The following MYLK4 variants were observed in gnomAD, a reference collection of about 807,000 sequenced individuals.
The protein encoded by MYLK4 is caMLCK like.
MYLK4 carries 46 observed loss-of-function variants against 48.1 expected under a neutral mutation model. That is an observed-to-expected ratio of 0.96 (90% confidence interval 0.75 to 1.22). The LOEUF (loss-of-function observed/expected upper bound fraction) is 1.22, where lower values mean the gene tolerates loss of function less well. Ranked by LOEUF, MYLK4 falls within the 50% of genes most tolerant of loss-of-function variation. The pLI is 0.00. For synonymous variants in MYLK4, 170 were observed against 180.8 expected (o/e 0.94, Z 0.48); for missense variants, 451 against 486.1 (o/e 0.93, Z 0.68).
intron 10 of MYLK4, among the ~76,000 whole-genome samples, chr6:2,676,091 CAAAA>C (rs34207127): frequency 1.6e-5 from 2 of 128,258 alleles, no homozygotes; most frequent in Non-Finnish European, 1.6e-5. Flanking sequence ...GATTCTGTCT[CAAAA>C]AAAAAAAAAA....
intron 3 of MYLK4, among the ~76,000 whole-genome samples, chr6:2,689,426 T>C (rs1369849698): frequency 6.6e-6 from 1 of 152,240 alleles, no homozygotes; most frequent in Non-Finnish European, 1.5e-5. Context: ...ATATTATATA[T>C]TACTTTCCAA....
intron 3 of MYLK4, among the ~76,000 whole-genome samples, chr6:2,692,508 T>A (rs1670494678): frequency 6.6e-6 from 1 of 151,998 alleles, no homozygotes; most frequent in Non-Finnish European, 1.5e-5. Context: ...TATAATGGCA[T>A]CTTTATCCAG....
At chr6:2,766,242 G>A in the MYLK4 span, 5 of 1,477,400 alleles carry the variant, frequency 3.4e-6, no homozygotes, top group Non-Finnish European at 9.0e-7. Flanking sequence ...GGCGGGGGCC[G>A]CCCGCACCCC....
At chr6:2,741,007 T>C (rs12206599) in intron 2 of MYLK4, among the ~76,000 whole-genome samples, 1 of 152,072 alleles carries the variant, frequency 6.6e-6, no homozygotes, top group Non-Finnish European at 1.5e-5. Flanking sequence ...TTAAAACTTA[T>C]GTGTGTGTTA....
chr6:2,752,516 C>T (rs1764320535), upstream of MYLK4, among the ~76,000 whole-genome samples: 1 of 151,966 alleles, frequency 6.6e-6, no homozygotes, highest in Admixed American at 6.6e-5. Context: ...ATGGTAGACA[C>T]CTTTGCATAT....
At chr6:2,735,010 C>T (rs1366111004) in intron 2 of MYLK4, among the ~76,000 whole-genome samples, 2 of 152,298 alleles carry the variant, frequency 1.3e-5, no homozygotes, top group East Asian at 1.9e-4. Context: ...TTGCATCACA[C>T]ATAAAACAGC....
At chr6:2,711,166 T>C (rs147783104) in intron 2 of MYLK4, among the ~76,000 whole-genome samples, 2 of 152,266 alleles carry the variant, frequency 1.3e-5, no homozygotes, top group East Asian at 3.9e-4. Flanking sequence ...TTCATATCAG[T>C]CCATTAATTA....
rs1354355573 is a variant in MYLK4, at chr6:2,683,392, TGTG to T, written c.546-233_546-231del. On this transcript the variant is annotated intron_variant, in intron 6 of 12. Transcript: ENST00000274643. ...TCCTCAAGCCAACTCCCCACCTTTT[TGTG>T]TGTGTGTGTGTGTGTGTGTGTGTGT... 9.2e-4 allele frequency among the ~76,000 whole-genome samples: 53 copies of T among 57,500 alleles called. 2 individuals are homozygous for T. Among genetic ancestry groups the T allele is most frequent in the East Asian group, 1.7e-3 (5 of 2,936 alleles). 37.7% of individuals were successfully genotyped at this position (57,500 alleles called of 152,430 possible).
intron 2 of MYLK4, among the ~76,000 whole-genome samples, chr6:2,735,531 T>C (rs1161291636): frequency 6.6e-6 from 1 of 152,216 alleles, no homozygotes; most frequent in Admixed American, 6.5e-5. Context: ...ATGCCTAAAA[T>C]GTATTGGTAA....
the MYLK4 span, chr6:2,768,905 T>C: frequency 6.3e-7 from 1 of 1,588,396 alleles, no homozygotes; most frequent in South Asian, 1.1e-5. Context: ...CCTTCTACCT[T>C]TTGGTCGTTG....
the MYLK4 span, among the ~76,000 whole-genome samples, chr6:2,763,286 G>T: frequency 1.3e-5 from 2 of 152,234 alleles, no homozygotes; most frequent in Non-Finnish European, 2.9e-5. Flanking sequence ...ATTAATTTCT[G>T]AACTGGGGCT....
chr6:2,737,512 T>C (rs1319431366), intron 2 of MYLK4, among the ~76,000 whole-genome samples: 3 of 151,870 alleles, frequency 2.0e-5, no homozygotes, highest in Non-Finnish European at 2.9e-5. Context: ...ACAGTTGGGG[T>C]GGGGAGGAAC....
the MYLK4 span, chr6:2,766,520 G>GT: frequency 2.8e-6 from 4 of 1,427,208 alleles, no homozygotes; most frequent in Middle Eastern, 1.9e-4. Flanking sequence ...AGAGCCGGGT[G>GT]TGCTGCCCTC....
intron 2 of MYLK4, among the ~76,000 whole-genome samples, chr6:2,711,225 A>T (rs1456546740): frequency 6.6e-6 from 1 of 152,250 alleles, no homozygotes; most frequent in Non-Finnish European, 1.5e-5. Flanking sequence ...TCCAGTTTCC[A>T]TGCCTCTGAA....
chr6:2,758,988 C>G, the MYLK4 span, among the ~76,000 whole-genome samples: 12 of 152,200 alleles, frequency 7.9e-5, no homozygotes, highest in Admixed American at 2.6e-4. Context: ...CCCACCAGCA[C>G]TATAAGAATT....
At position 2,684,378 on chromosome 6, in the gene MYLK4, C is replaced by T. The variant is rs1039890768; in HGVS notation, c.545+918G>A. Among the ~76,000 whole-genome samples the T allele has an allele frequency of 1.5e-4, 23 of 152,270 alleles. 1 individual carries two copies. The highest frequency in any genetic ancestry group is 1.3e-3 in the Admixed American group (20 of 15,286). ...TTGATTGTTTACTTCTGGAATTTTC[C>T]ACTTAATATTTTGGGGCCTTGGGTA... On this transcript the variant is annotated intron_variant, in intron 6 of 12. Coordinates refer to ENST00000274643, the MANE Select transcript of MYLK4 (RefSeq NM_001012418.5).
chr6:2,738,489 G>A (rs1332147309), intron 2 of MYLK4, among the ~76,000 whole-genome samples: 1 of 152,178 alleles, frequency 6.6e-6, no homozygotes, highest in African/African-American at 2.4e-5. Context: ...AGCTGAGAGT[G>A]GCCTGACATT....
chr6:2,694,642 T>G (rs527280175), intron 2 of MYLK4, among the ~76,000 whole-genome samples: 1 of 67,178 alleles, frequency 1.5e-5, no homozygotes, highest in South Asian at 6.2e-4. Flanking sequence ...GTGGTGATGG[T>G]GACGGTCATG....
chr6:2,680,353 G>A, intron 7 of MYLK4, 62 bp from the exon 8 acceptor site: 1 of 1,607,624 alleles, frequency 6.2e-7, no homozygotes. Flanking sequence ...AATTGTCCTT[G>A]AACCACAACT....
Sources: allele counts gnomAD v4.1 joint callset (sites outside exome capture counted in the v4.1 genomes callset), GRCh38; gene constraint gnomAD v4.1.1; transcripts MANE v1.5; gene names NCBI Gene and HGNC (gene_info 2026-07-23, HGNC 2026-07-21).